The following ALDH3A1 variants were observed in gnomAD, a reference collection of about 807,000 sequenced individuals.
ALDH3A1 encodes aldehyde dehydrogenase, dimeric NADP-preferring.
ALDH3A1 carries 46 observed loss-of-function variants against 49.9 expected under a neutral mutation model. That is an observed-to-expected ratio of 0.92 (90% confidence interval 0.73 to 1.18). The LOEUF is 1.18. ALDH3A1 is among the 50% of genes most tolerant of loss of function. The pLI is 0.00. For missense variants in ALDH3A1, 592 were observed against 611.8 expected (o/e 0.97, Z 0.34); for synonymous variants, 269 against 253.3 (o/e 1.06, Z -0.59).
At chr17:19,741,300 A>T in intron 5 of ALDH3A1, 90 bp from the exon 6 acceptor site, 2 of 1,165,914 alleles carry the variant, frequency 1.7e-6, no homozygotes, top group Non-Finnish European at 1.3e-6. Flanking sequence ...GGTCAGCAGA[A>T]GCCATCGGCT....
intron 2 of ALDH3A1, chr17:19,744,642 G>C: frequency 2.0e-6 from 2 of 985,400 alleles, no homozygotes; most frequent in Non-Finnish European, 2.4e-6. Context: ...TCCTGGTGTG[G>C]AGAACCAAGT....
rs2086623346 is a variant in ALDH3A1, at chr17:19,748,221, A to G, written c.-6+38T>C. On this transcript the variant is annotated intron_variant, in intron 1 of 10. Transcript: ENST00000225740. The surrounding 1 kb of genome is among the most constrained non-coding windows in gnomAD (Gnocchi z 4.4). ...GGCTCTGAGTGCAGACTCCACCTAG[A>G]CAAGAGAAAAAATAAGGAATGCAGG... 1 of 443,712 alleles carries G rather than the reference A, an allele frequency of 2.3e-6. No homozygotes were observed. Among genetic ancestry groups the G allele is most frequent in the Non-Finnish European group, 4.6e-6 (1 of 218,650 alleles). The allele number at this position is 443,712 out of a possible 1,614,324, so 27.5% of individuals were successfully genotyped here.
Position 19,744,895 on chromosome 17 carries a change from T to TGCCCCCCCCCCC in ALDH3A1, c.162+72_162+73insGGGGGGGGGGGC. 184 of 923,924 alleles carry TGCCCCCCCCCCC rather than the reference T, an allele frequency of 2.0e-4. 1 individual carries two copies. The highest frequency in any genetic ancestry group is 7.4e-4 in the East Asian group (11 of 14,848). The allele number at this position is 923,924 out of a possible 1,614,324, so 57.2% of individuals were successfully genotyped here. A position where few individuals can be genotyped will look rare whatever the true frequency, so the allele number is the denominator to read the frequency against. The stretch of plus-strand genomic sequence containing the variant: ...TCCTGAACCTCTCTGGGTCGCACTC[T>TGCCCCCCCCCCC]CCCCAGCCCCTCCCCCCACGCCCCA... On this transcript the variant is annotated intron_variant, in intron 2 of 10. Transcript: ENST00000225740.
At chr17:19,739,723 G>A (rs77580286) in intron 7 of ALDH3A1, 49 bp from the exon 8 acceptor site, 158 of 1,595,688 alleles carry the variant, frequency 9.9e-5, no homozygotes, top group South Asian at 3.7e-4. Context: ...ACCCCCACGC[G>A]GATGGAAAGT....
intron 7 of ALDH3A1, 127 bp from the exon 8 acceptor site, chr17:19,739,801 G>A: frequency 8.1e-7 from 1 of 1,231,040 alleles, no homozygotes; most frequent in Non-Finnish European, 1.1e-6. Flanking sequence ...AAAGGGCAGG[G>A]ACGAGGCCTC....
chr17:19,744,932 C>G (rs754526583), intron 2 of ALDH3A1, 36 bp downstream of exon 2: 23 of 1,448,998 alleles, frequency 1.6e-5, no homozygotes, highest in African/African-American at 9.1e-5. Flanking sequence ...CGCATGGCCC[C>G]GACACTGGCA....
rs1342042842 is a variant in ALDH3A1 at position 19,738,139 on chromosome 17, TC to T, written c.*81del. On this transcript the variant is annotated 3_prime_UTR_variant, in exon 11 of 11. Transcript: ENST00000225740. ...TGGGCTGGGGCTGCAGGAGCGATTC[TC>T]CCAGGGCCAGGAGAGCCAGTGAGGG... 5.6e-6 allele frequency: 9 copies of T among 1,609,372 alleles called. No individual in the cohort carries two copies. Among genetic ancestry groups the T allele is most frequent in the Non-Finnish European group, 7.6e-6 (9 of 1,179,860 alleles).
In ALDH3A1 at chr17:19,742,055, C is replaced by T. The variant is rs773183036; in HGVS notation, c.638G>A (p.Gly213Glu). ...HLTPVTLELG[G>E]KSPCYVDKNC... is the part of the protein sequence containing the mutation. ...CTTGTCCACGTAGCAGGGACTCTTC[C>T]CTCCCAGCTCCAGCGTGACAGGGGT... The change falls in exon 5 of 11, where the codon GGG becomes GAG. Residue 213 changes from glycine to glutamate, a missense_variant. Physicochemically the swap from Gly to Glu is moderately conservative, Grantham distance 98 (BLOSUM62 -2). Coordinates refer to ENST00000225740, the MANE Select transcript of ALDH3A1 (RefSeq NM_000691.5). 13 of 1,614,018 alleles carry T rather than the reference C, an allele frequency of 8.1e-6. No individual in the cohort carries two copies. The South Asian group carries it at 1.4e-4, about 18-fold the overall frequency.
Position 19,743,948 on chromosome 17 carries a change from G to T in ALDH3A1, c.163-485C>A. On this transcript the variant is annotated intron_variant, in intron 2 of 10. Coordinates refer to ENST00000225740, the MANE Select transcript of ALDH3A1 (RefSeq NM_000691.5). The surrounding 1 kb of genome is among the most constrained non-coding windows in gnomAD (Gnocchi z 4.4). Reference sequence around the variant, plus strand: ...GCTGGGCGCTCAGGGCCTCCTGTGGGGAGCAGGGGTGAGAAGAGGAGATGC... The same window carrying T: ...GCTGGGCGCTCAGGGCCTCCTGTGGTGAGCAGGGGTGAGAAGAGGAGATGC... The T allele has an allele frequency of 1.0e-6, 1 of 985,350 alleles. No individual in the cohort carries two copies. The highest frequency in any genetic ancestry group is 1.2e-6 in the Non-Finnish European group (1 of 829,906). 61.0% of individuals were successfully genotyped at this position (985,350 alleles called of 1,614,324 possible).
At chr17:19,744,895 T>TCG in intron 2 of ALDH3A1, 73 bp downstream of exon 2, 3 of 924,176 alleles carry the variant, frequency 3.2e-6, no homozygotes, top group Non-Finnish European at 4.2e-6. Context: ...GGTCGCACTC[T>TCG]CCCCAGCCCC....
Position 19,745,230 on chromosome 17 carries a change from C to A in ALDH3A1, c.-5-96G>T. On this transcript the variant is annotated intron_variant, in intron 1 of 10. Transcript: ENST00000225740. ...CTATAGGAAGGGACTTCCCTGGGCT[C>A]GGCCTTGGGGAAAATGGCCTTTCCG... 13 of 1,333,962 alleles carry A rather than the reference C, an allele frequency of 9.7e-6. No homozygotes were observed. The South Asian group carries it at 2.0e-4, about 20-fold the overall frequency. The allele number at this position is 1,333,962 out of a possible 1,614,324, so 82.6% of individuals were successfully genotyped here.
chr17:19,739,898 C>T (rs2086459393), intron 7 of ALDH3A1, among the ~76,000 whole-genome samples: 1 of 152,114 alleles, frequency 6.6e-6, no homozygotes, highest in Non-Finnish European at 1.5e-5. Flanking sequence ...CGGAAGGACC[C>T]GAGATCTGTC....
chr17:19,744,560 G>C, intron 2 of ALDH3A1: 6 of 985,452 alleles, frequency 6.1e-6, no homozygotes, highest in Non-Finnish European at 7.2e-6. Context: ...GTGAGGGACG[G>C]AACAGCCCCT....
At chr17:19,738,949 C>A (rs907946870) in intron 9 of ALDH3A1, 47 bp downstream of exon 9, 3 of 1,543,878 alleles carry the variant, frequency 1.9e-6, no homozygotes, top group Non-Finnish European at 2.6e-6. Flanking sequence ...TGAGTGTGCC[C>A]AGCCCTGGGG....
Position 19,743,715 on chromosome 17 carries a change from G to A in ALDH3A1, c.163-252C>T. ...GGCCCCAGGGGAGAGAGCCGGTGAA[G>A]GGACCAGGCATGGGCAACGGAATGG... On this transcript the variant is annotated intron_variant, in intron 2 of 10. Coordinates refer to ENST00000225740, the MANE Select transcript of ALDH3A1 (RefSeq NM_000691.5). This position sits in a 1 kb window ranked among gnomAD's most constrained non-coding sequence, Gnocchi z 4.4. 1 of 985,306 alleles carries A rather than the reference G, an allele frequency of 1.0e-6. No homozygotes were observed. Among genetic ancestry groups the A allele is most frequent in the Non-Finnish European group, 1.2e-6 (1 of 829,900 alleles). The allele number at this position is 985,306 out of a possible 1,614,324, so 61.0% of individuals were successfully genotyped here. A position where few individuals can be genotyped will look rare whatever the true frequency, so the allele number is the denominator to read the frequency against.
chr17:19,742,177 C>G lies in ALDH3A1; in HGVS notation c.516G>C (p.Glu172Asp). The G allele has an allele frequency of 1.9e-6, 3 of 1,614,078 alleles. No homozygotes were observed. Among genetic ancestry groups the G allele is most frequent in the Non-Finnish European group, 2.5e-6 (3 of 1,180,010 alleles). The change falls in exon 5 of 11, where the codon GAG becomes GAC. Residue 172 changes from glutamate (E) to aspartate (D), a missense_variant. Transcript: ENST00000225740. ...LYPVINGGVP[E>D]TTELLKERFD... ...ACCTCTCCTTGAGCAGCTCCGTGGT[C>G]TCAGGGACACCCCCATTGATTACTG...
chr17:19,744,137 C>T (rs1173030634), intron 2 of ALDH3A1: 1 of 984,874 alleles, frequency 1.0e-6, no homozygotes, highest in Non-Finnish European at 1.2e-6. Context: ...GTGGCTCATG[C>T]CTGTAATCCC....
At chr17:19,738,492 C>T (rs980371438) in intron 9 of ALDH3A1, 39 bp from the exon 10 acceptor site, 2 of 1,589,248 alleles carry the variant, frequency 1.3e-6, no homozygotes, top group African/African-American at 1.3e-5. Context: ...AGCATCCTGC[C>T]CCCAGGACGC....
At chr17:19,738,651 AG>A in intron 9 of ALDH3A1, 198 bp from the exon 10 acceptor site, 2 of 784,532 alleles carry the variant, frequency 2.5e-6, no homozygotes, top group Non-Finnish European at 4.0e-6. Flanking sequence ...GGGCCTCCTG[AG>A]GGTGGCCAAT....
Sources: gnomAD v4.1 joint callset for allele counts (sites outside exome capture counted in the v4.1 genomes callset) on GRCh38, gnomAD v4.1.1 for gene constraint, Gnocchi (gnomAD v3.1) non-coding constraint, MANE v1.5 for transcripts, NCBI Gene and HGNC (gene_info 2026-07-23, HGNC 2026-07-21) for gene names.